The following DGKE variants were observed in gnomAD, a reference collection of about 807,000 sequenced individuals.
DGKE encodes the protein diacylglycerol kinase epsilon, also known as DAG kinase epsilon.
Under a neutral mutation model 70.0 loss-of-function variants are expected in DGKE, and 53 were observed. The ratio of observed to expected loss-of-function variants is 0.76; its 90% CI spans 0.61 to 0.95. The LOEUF is 0.95. Among genes scored for constraint, DGKE ranks in the 40% least tolerant of loss-of-function variants. DGKE has a pLI of 0.00. For missense variants in DGKE, 655 were observed against 706.9 expected (o/e 0.93, Z 0.83); for synonymous variants, 291 against 257.0 (o/e 1.13, Z -1.27).
At chr17:56,837,193 A>G (rs1906681243) in intron 2 of DGKE, among the ~76,000 whole-genome samples, 1 of 152,138 alleles carries the variant, frequency 6.6e-6, no homozygotes, top group South Asian at 2.1e-4. Flanking sequence ...TTCAAATTCA[A>G]CTAGGCATTG....
intron 7 of DGKE, among the ~76,000 whole-genome samples, chr17:56,855,734 G>A (rs1269334151): frequency 1.3e-5 from 2 of 152,140 alleles, no homozygotes; most frequent in African/African-American, 2.4e-5. Context: ...GGCCGGGCGC[G>A]GTGGCTCACG....
In DGKE at chr17:56,858,632, G is replaced by A. The variant is rs771233285; in HGVS notation, c.1251G>A (p.Val417=). 3.7e-6 allele frequency: 6 copies of A among 1,606,274 alleles called. No homozygotes were observed. Among genetic ancestry groups the A allele is most frequent in the Non-Finnish European group, 5.1e-6 (6 of 1,177,266 alleles). ...TCTATGGAACCAAAGATTGTTTAGT[G>A]CAAGAATGTAAAGATTTGAATAAAA... ...YLFYGTKDCL[V]QECKDLNKKV... Residue 417 remains valine, a synonymous_variant, in exon 9 of 12, where the codon GTG becomes GTA. Transcript: ENST00000284061.
rs201209316 is a variant in DGKE, at chr17:56,835,098, G to C, written c.303G>C (p.Lys101Asn). Residue 101 changes from lysine to asparagine, a missense_variant, in exon 2 of 12, where the codon AAG becomes AAC. Physicochemically the swap from Lys to Asn is moderately conservative, Grantham distance 94. Coordinates refer to ENST00000284061, the MANE Select transcript of DGKE (RefSeq NM_003647.3). Reference protein sequence around the residue: ...GLRVDEGCLRKADKRFQCKEI... With the variant: ...GLRVDEGCLRNADKRFQCKEI... ...GCGTGGACGAGGGCTGCCTCAGGAAGGCCGACAAGCGCTTCCAGTGCAAGG... is the reference window on the plus strand; with the variant it reads ...GCGTGGACGAGGGCTGCCTCAGGAACGCCGACAAGCGCTTCCAGTGCAAGG... 111 of 1,613,814 alleles carry C rather than the reference G, an allele frequency of 6.9e-5. No individual in the cohort carries two copies. The Admixed American group carries it at 1.3e-3, about 20-fold the overall frequency.
Position 56,862,966 on chromosome 17 carries a change from C to A in DGKE, c.*175C>A. 2.1e-6 allele frequency: 1 copy of A among 471,832 alleles called. No individual in the cohort carries two copies. Among genetic ancestry groups the A allele is most frequent in the Non-Finnish European group, 3.5e-6 (1 of 286,494 alleles). 29.2% of individuals were successfully genotyped at this position (471,832 alleles called of 1,614,324 possible). A position where few individuals can be genotyped will look rare whatever the true frequency, so the allele number is the denominator to read the frequency against. ...AAACCAGCCAGCCTTCAGTTATTTA[C>A]AAATGTTTGTTCTTTTTTCAGCAAA... On this transcript the variant is annotated 3_prime_UTR_variant, in exon 12 of 12. Coordinates refer to ENST00000284061, the MANE Select transcript of DGKE (RefSeq NM_003647.3).
At chr17:56,835,392 A>C in intron 2 of DGKE, 133 bp downstream of exon 2, 7 of 948,760 alleles carry the variant, frequency 7.4e-6, no homozygotes, top group East Asian at 2.7e-5. Context: ...TAATAAATAA[A>C]CATCCCTGAG....
chr17:56,840,496 C>T (rs1906908978), intron 2 of DGKE, among the ~76,000 whole-genome samples: 1 of 152,136 alleles, frequency 6.6e-6, no homozygotes, highest in Non-Finnish European at 1.5e-5. Context: ...CCGCCTCAGC[C>T]TCCCGAGTAG....
intron 2 of DGKE, among the ~76,000 whole-genome samples, chr17:56,836,937 C>A (rs986714329): frequency 1.1e-4 from 16 of 152,318 alleles, no homozygotes; most frequent in African/African-American, 3.8e-4. Flanking sequence ...AAAGACCCAT[C>A]CCATGTCCTT....
intron 2 of DGKE, among the ~76,000 whole-genome samples, chr17:56,842,344 AG>A (rs1907040936): frequency 6.6e-6 from 1 of 152,206 alleles, no homozygotes; most frequent in Admixed American, 6.5e-5. Context: ...AAAAAAACAT[AG>A]CCTAAAAACT....
rs1227653538 is a variant in DGKE, at chr17:56,845,759, A to G, written c.694A>G (p.Met232Val). 4.3e-6 allele frequency: 7 copies of G among 1,612,594 alleles called. No individual in the cohort carries two copies. Among genetic ancestry groups the G allele is most frequent in the Non-Finnish European group, 5.9e-6 (7 of 1,179,262 alleles). Reference protein sequence around the residue: ...ILANSRSGTNMGEGLLGEFRI... With the variant: ...ILANSRSGTNVGEGLLGEFRI... ...GGCCAACTCTCGTAGTGGAACTAAT[A>G]TGGGAGAAGGACTGTTGGGAGAATT... is the stretch of plus-strand genomic sequence containing the variant. The change falls in exon 4 of 12, where the codon ATG becomes GTG. Residue 232 changes from methionine to valine, a missense_variant. Physicochemically the swap from Met to Val is conservative, Grantham distance 21. Transcript: ENST00000284061.
chr17:56,847,836 A>G (rs1907389550), intron 4 of DGKE, 86 bp from the exon 5 acceptor site: 2 of 967,808 alleles, frequency 2.1e-6, no homozygotes, highest in African/African-American at 3.3e-5. Flanking sequence ...ATTTAACTGT[A>G]TCTCTACTCA....
At chr17:56,848,253 G>A (rs1277978609) in intron 5 of DGKE, among the ~76,000 whole-genome samples, 188 bp downstream of exon 5, 12 of 151,986 alleles carry the variant, frequency 7.9e-5, no homozygotes, top group Admixed American at 7.9e-4. Flanking sequence ...CATTTCTCAG[G>A]TTCAAGCCAT....
intron 8 of DGKE, among the ~76,000 whole-genome samples, chr17:56,857,168 G>A (rs1908001697): frequency 6.6e-6 from 1 of 152,130 alleles, no homozygotes; most frequent in African/African-American, 2.4e-5. Context: ...TCAAATTTGG[G>A]ATGTTTTATA....
chr17:56,838,411 G>T (rs544569143), intron 2 of DGKE: 10 of 152,158 alleles, frequency 6.6e-5, no homozygotes, highest in Non-Finnish European at 1.3e-4. Flanking sequence ...CAACCATTTC[G>T]TCTGTCATAA....
rs759014759 is a variant in DGKE at position 56,862,834 on chromosome 17, G to A, written c.*43G>A. The stretch of plus-strand genomic sequence containing the variant: ...AACTTTGCATAGAATCCTCACGCAA[G>A]TAGATACATGTTCATCCAAAAGTAT... On this transcript the variant is annotated 3_prime_UTR_variant, in exon 12 of 12. Coordinates refer to ENST00000284061, the MANE Select transcript of DGKE (RefSeq NM_003647.3). 8 of 1,412,274 alleles carry A rather than the reference G, an allele frequency of 5.7e-6. No homozygotes were observed. In the South Asian group the frequency reaches 8.6e-5, roughly 15 times the overall value. 87.5% of individuals were successfully genotyped at this position (1,412,274 alleles called of 1,614,324 possible).
rs1481016796 is a variant in DGKE at position 56,869,535 on chromosome 17, A to G, written c.*6744A>G. 6.7e-6 allele frequency: 1 copy of G among 149,994 alleles called. No homozygotes were observed. Among genetic ancestry groups the G allele is most frequent in the Admixed American group, 6.6e-5 (1 of 15,224 alleles). 9.3% of individuals were successfully genotyped at this position (149,994 alleles called of 1,614,324 possible). On this transcript the variant is annotated 3_prime_UTR_variant, in exon 12 of 12. Transcript: ENST00000284061. Reference sequence around the variant, plus strand: ...CATCTTTACCTGGAAATCCATTTTTATAAAATTTTTGTAATAAAAATTCAC... The same window carrying G: ...CATCTTTACCTGGAAATCCATTTTTGTAAAATTTTTGTAATAAAAATTCAC...
At chr17:56,844,665 C>A (rs9913602) in intron 3 of DGKE, among the ~76,000 whole-genome samples, 107,638 of 151,912 alleles carry the variant, frequency 0.71, 38,552 homozygotes, top group East Asian at 0.91. Context: ...TTTTCTAAAA[C>A]TATTTTTCTA....
chr17:56,840,528 A>G (rs1906911430), intron 2 of DGKE, among the ~76,000 whole-genome samples: 1 of 152,118 alleles, frequency 6.6e-6, no homozygotes, highest in South Asian at 2.1e-4. Context: ...GGCATGCACC[A>G]CCACACCTGG....
intron 2 of DGKE, chr17:56,835,572 C>T (rs1050036208): frequency 4.8e-6 from 2 of 418,214 alleles, no homozygotes; most frequent in Non-Finnish European, 4.2e-6. Context: ...AGCTTTTGTT[C>T]CTATCGATTA....
chr17:56,847,894 A>G (rs1480364574), intron 4 of DGKE, 28 bp from the exon 5 acceptor site: 1 of 1,514,544 alleles, frequency 6.6e-7, no homozygotes, highest in Non-Finnish European at 8.9e-7. Flanking sequence ...TTGGATAAAA[A>G]TAATTTGTCT....
Sources: allele counts gnomAD v4.1 joint callset (sites outside exome capture counted in the v4.1 genomes callset), GRCh38; gene constraint gnomAD v4.1.1; transcripts MANE v1.5; gene names NCBI Gene and HGNC (gene_info 2026-07-23, HGNC 2026-07-21).